The following SYT9 variants were observed in gnomAD, a reference collection of about 807,000 sequenced individuals.
The protein encoded by SYT9 is synaptotagmin-9.
In SYT9, 22 loss-of-function variants were observed where a neutral mutation model predicts 48.4. That is an observed-to-expected ratio of 0.45 (90% CI 0.32 to 0.65). SYT9 has a LOEUF of 0.65. Among genes scored for constraint, SYT9 ranks in the 30% least tolerant of loss-of-function variants. The pLI is 0.03. For synonymous variants in SYT9, 265 were observed against 245.0 expected (o/e 1.08, Z -0.76); for missense variants, 577 against 622.0 (o/e 0.93, Z 0.77).
chr11:7,263,734 G>A (rs117554603), intron 1 of SYT9, among the ~76,000 whole-genome samples: 3,196 of 151,952 alleles, frequency 0.021, 48 homozygotes, highest in Non-Finnish European at 0.034. Context: ...TAACATGAAG[G>A]CTAATTGGTG....
intron 3 of SYT9, among the ~76,000 whole-genome samples, chr11:7,385,779 A>G (rs966245752): frequency 6.6e-5 from 10 of 152,218 alleles, no homozygotes; most frequent in African/African-American, 2.4e-4. Context: ...CATCCTGGAC[A>G]CTAGTTCAGT....
chr11:7,406,394 C>T (rs531058668), intron 3 of SYT9, among the ~76,000 whole-genome samples: 2 of 152,198 alleles, frequency 1.3e-5, no homozygotes, highest in African/African-American at 4.8e-5. Context: ...ACTTGTTTAG[C>T]TCCCACATAT....
At chr11:7,248,034 G>A (rs1355891348), upstream of SYT9, among the ~76,000 whole-genome samples, 1 of 152,128 alleles carries the variant, frequency 6.6e-6, no homozygotes, top group Non-Finnish European at 1.5e-5. Flanking sequence ...CAGGAGTAAG[G>A]TGGTATCGCA....
At position 7,354,098 on chromosome 11, in the gene SYT9, T is replaced by C. The variant is rs567852887; in HGVS notation, c.1044+40157T>C. On this transcript the variant is annotated intron_variant, in intron 3 of 6. Transcript: ENST00000318881. ...TGATTTGATTGGAATTAAAAGAGGGTACCTGTGTCCATCTTTATGTTCACT... is the reference window on the plus strand; with the variant it reads ...TGATTTGATTGGAATTAAAAGAGGGCACCTGTGTCCATCTTTATGTTCACT... 1.6e-4 allele frequency among the ~76,000 whole-genome samples: 24 copies of C among 152,312 alleles called. 2 individuals carry two copies. The South Asian group carries it at 4.8e-3, about 30-fold the overall frequency.
intron 3 of SYT9, among the ~76,000 whole-genome samples, chr11:7,323,253 T>C (rs1018501111): frequency 3.3e-5 from 5 of 152,158 alleles, no homozygotes; most frequent in African/African-American, 9.6e-5. Flanking sequence ...TCTAAGAAGT[T>C]TGACCACTTA....
intron 6 of SYT9, among the ~76,000 whole-genome samples, chr11:7,425,240 GT>G (rs1195829060): frequency 6.6e-6 from 1 of 152,206 alleles, no homozygotes; most frequent in Non-Finnish European, 1.5e-5. Flanking sequence ...CTCAGCAGGA[GT>G]TTTGGGAGTA....
At chr11:7,249,365 G>A (rs536275344), upstream of SYT9, among the ~76,000 whole-genome samples, 3 of 152,262 alleles carry the variant, frequency 2.0e-5, no homozygotes, top group South Asian at 6.2e-4. Context: ...CACAAGGCAG[G>A]CCCAAATTCA....
intron 3 of SYT9, among the ~76,000 whole-genome samples, chr11:7,406,567 T>C (rs1310716424): frequency 7.5e-6 from 1 of 134,058 alleles, no homozygotes; most frequent in Non-Finnish European, 1.6e-5. Flanking sequence ...TATATATATA[T>C]AGCACATTTT....
At chr11:7,247,926 C>T (rs2101432), upstream of SYT9, among the ~76,000 whole-genome samples, 91,699 of 151,830 alleles carry the variant, frequency 0.6, 28,598 homozygotes, top group Non-Finnish European at 0.68. Flanking sequence ...GTGGTTGTAC[C>T]AGTTTACATT....
intron 2 of SYT9, among the ~76,000 whole-genome samples, chr11:7,308,036 C>T (rs1849063718): frequency 6.6e-6 from 1 of 152,214 alleles, no homozygotes; most frequent in Non-Finnish European, 1.5e-5. Flanking sequence ...TTTTCACTTC[C>T]TCCTGCCCTT....
chr11:7,418,489 C>A (rs12364121), intron 5 of SYT9, among the ~76,000 whole-genome samples: 21,884 of 152,230 alleles, frequency 0.14, 1,638 homozygotes, highest in East Asian at 0.28. Context: ...GTGCTAACTG[C>A]CCTTCATTGG....
At chr11:7,466,749 A>G in intron 6 of SYT9, 43 bp from the exon 7 acceptor site, 1 of 1,531,710 alleles carries the variant, frequency 6.5e-7, no homozygotes, top group Middle Eastern at 1.7e-4. Context: ...AAAAAAATGT[A>G]TGAATGAAAG....
chr11:7,278,441 A>C (rs1295140684), intron 1 of SYT9, among the ~76,000 whole-genome samples: 1 of 152,164 alleles, frequency 6.6e-6, no homozygotes, highest in Non-Finnish European at 1.5e-5. Flanking sequence ...GAAGCTGCAC[A>C]GTGGTTTTAA....
intron 6 of SYT9, among the ~76,000 whole-genome samples, chr11:7,455,466 T>C (rs1848134328): frequency 6.6e-6 from 1 of 151,780 alleles, no homozygotes; most frequent in African/African-American, 2.4e-5. Context: ...CCCAAGTAGC[T>C]GGGACTACAG....
chr11:7,303,428 A>G, intron 2 of SYT9, 38 bp downstream of exon 2: 1 of 1,524,018 alleles, frequency 6.6e-7, no homozygotes, highest in Non-Finnish European at 8.9e-7. Context: ...GCAAGGAAGG[A>G]CCACCCCATT....
At chr11:7,276,269 T>A (rs1848391216) in intron 1 of SYT9, among the ~76,000 whole-genome samples, 1 of 152,196 alleles carries the variant, frequency 6.6e-6, no homozygotes, top group South Asian at 2.1e-4. Context: ...GTCTTCTATC[T>A]CTGTCCCTAT....
At chr11:7,302,163 C>A (rs909194690) in intron 1 of SYT9, among the ~76,000 whole-genome samples, 1 of 152,130 alleles carries the variant, frequency 6.6e-6, no homozygotes, top group Admixed American at 6.5e-5. Context: ...GAATTTAATG[C>A]CCTTTGAGAA....
chr11:7,337,178 T>C (rs1849644651), intron 3 of SYT9, among the ~76,000 whole-genome samples: 1 of 152,152 alleles, frequency 6.6e-6, no homozygotes, highest in South Asian at 2.1e-4. Flanking sequence ...ATGTTAGTGA[T>C]TTTTATATGT....
chr11:7,307,602 C>T (rs551131674), intron 2 of SYT9, among the ~76,000 whole-genome samples: 1 of 152,260 alleles, frequency 6.6e-6, no homozygotes, highest in South Asian at 2.1e-4. Flanking sequence ...TAACCATGCC[C>T]ACAAAAGACC....
Sources: gnomAD v4.1 joint callset for allele counts (sites outside exome capture counted in the v4.1 genomes callset) on GRCh38, gnomAD v4.1.1 for gene constraint, MANE v1.5 for transcripts, NCBI Gene and HGNC (gene_info 2026-07-23, HGNC 2026-07-21) for gene names.